The following PSMD1 variants were observed in gnomAD, a reference collection of about 807,000 sequenced individuals.
PSMD1 encodes the protein proteasome 26S subunit, non-ATPase 1.
PSMD1 carries 18 observed loss-of-function variants against 119.0 expected under a neutral mutation model. The ratio of observed to expected loss-of-function variants is 0.15; its 90% CI spans 0.10 to 0.22. The LOEUF (loss-of-function observed/expected upper bound fraction) is 0.22. PSMD1 is among the 10% of genes least tolerant of loss of function. The pLI is 1.00. For synonymous variants in PSMD1, 374 were observed against 396.6 expected, an observed-to-expected ratio of 0.94 and a Z score of 0.68; for missense variants, 702 against 1,158.5, an observed-to-expected ratio of 0.61 and a Z score of 5.72.
chr2:231,158,513 C>G (rs933222485), intron 19 of PSMD1, among the ~76,000 whole-genome samples: 1 of 152,256 alleles, frequency 6.6e-6, no homozygotes, highest in Admixed American at 6.5e-5. Context: ...TATTAAATCT[C>G]AGAATGTTAG....
At chr2:231,075,070 C>T (rs112509926) in intron 7 of PSMD1, among the ~76,000 whole-genome samples, 7 of 152,242 alleles carry the variant, frequency 4.6e-5, no homozygotes, top group African/African-American at 1.7e-4. Flanking sequence ...TTATCTTTGT[C>T]CCTGCCTTTT....
At chr2:231,110,259 G>T (rs1448467505) in intron 16 of PSMD1, among the ~76,000 whole-genome samples, 1 of 152,092 alleles carries the variant, frequency 6.6e-6, no homozygotes, top group African/African-American at 2.4e-5. Flanking sequence ...GGCCGAGGTT[G>T]CAGTGAGCCG....
At chr2:231,102,192 T>C (rs1317923477) in intron 16 of PSMD1, among the ~76,000 whole-genome samples, 3 of 152,204 alleles carry the variant, frequency 2.0e-5, no homozygotes, top group Non-Finnish European at 4.4e-5. Context: ...GGCTATAGTA[T>C]AGTGTAAACA....
At chr2:231,085,687 A>G (rs893310801) in intron 15 of PSMD1, among the ~76,000 whole-genome samples, 3 of 135,656 alleles carry the variant, frequency 2.2e-5, no homozygotes, top group Non-Finnish European at 4.6e-5. Flanking sequence ...ATGATCTATT[A>G]CAAGAGATGC....
rs567880234 is a variant in PSMD1 at position 231,073,558 on chromosome 2, G to A, written c.881+1143G>A. 4.3e-4 allele frequency among the ~76,000 whole-genome samples: 65 copies of A among 152,136 alleles called. 1 individual carries two copies. The highest frequency in any genetic ancestry group is 1.5e-3 in the African/African-American group (63 of 41,486). ...GTCTGTGGGTGTTCTGATTGGGATT[G>A]TATTGAATATCTTCAATTTGGGGCA... is the stretch of plus-strand genomic sequence containing the variant. On this transcript the variant is annotated intron_variant, in intron 7 of 24. Coordinates refer to ENST00000308696, the MANE Select transcript of PSMD1 (RefSeq NM_002807.4).
intron 18 of PSMD1, among the ~76,000 whole-genome samples, chr2:231,148,855 G>A (rs1198855734): frequency 6.6e-6 from 1 of 152,144 alleles, no homozygotes; most frequent in Admixed American, 6.5e-5. Flanking sequence ...ATGGTATACA[G>A]CATGTTGCCA....
intron 12 of PSMD1, among the ~76,000 whole-genome samples, 162 bp from the exon 13 acceptor site, chr2:231,082,721 T>C (rs896655018): frequency 6.6e-6 from 1 of 152,148 alleles, no homozygotes; most frequent in Non-Finnish European, 1.5e-5. Flanking sequence ...AAAACTGCAA[T>C]TGCTGAGTTT....
chr2:231,159,476 A>G (rs529270888), intron 19 of PSMD1, among the ~76,000 whole-genome samples: 6 of 152,274 alleles, frequency 3.9e-5, no homozygotes, highest in African/African-American at 1.4e-4. Flanking sequence ...AAAATGACCT[A>G]GTAATCCTGG....
intron 20 of PSMD1, among the ~76,000 whole-genome samples, chr2:231,162,082 A>G (rs1696653893): frequency 6.6e-6 from 1 of 152,258 alleles, no homozygotes; most frequent in African/African-American, 2.4e-5. Context: ...GTGAGGAGCT[A>G]GGGAATCTGA....
intron 23 of PSMD1, among the ~76,000 whole-genome samples, chr2:231,168,400 A>G (rs115767673): frequency 5.9e-5 from 9 of 152,376 alleles, no homozygotes; most frequent in Admixed American, 1.3e-4. Flanking sequence ...TAAAACGGAA[A>G]CAACTTAAAT....
chr2:231,136,660 T>C (rs1056049190), intron 16 of PSMD1, among the ~76,000 whole-genome samples: 1 of 152,136 alleles, frequency 6.6e-6, no homozygotes, highest in Non-Finnish European at 1.5e-5. Flanking sequence ...ACTTTTATTT[T>C]TTATTACATG....
chr2:231,095,161 G>A (rs1694694620), intron 16 of PSMD1, among the ~76,000 whole-genome samples: 2 of 152,032 alleles, frequency 1.3e-5, no homozygotes, highest in Non-Finnish European at 2.9e-5. Context: ...TCCCCTTTTT[G>A]CTGCAGGAGT....
At chr2:231,141,485 A>G (rs558029413) in intron 17 of PSMD1, among the ~76,000 whole-genome samples, 16 of 148,720 alleles carry the variant, frequency 1.1e-4, no homozygotes, top group African/African-American at 4.0e-4. Flanking sequence ...GCTGGAGTAC[A>G]ATGGGGCTAT....
chr2:231,067,954 C>T (rs1006384117), intron 5 of PSMD1, among the ~76,000 whole-genome samples: 1 of 152,128 alleles, frequency 6.6e-6, no homozygotes, highest in Non-Finnish European at 1.5e-5. Flanking sequence ...ACCACACCTG[C>T]CCTCCATTCC....
Position 231,131,528 on chromosome 2 carries a change from C to T in PSMD1, c.1884-7208C>T, listed in dbSNP as rs540777884. Among the ~76,000 whole-genome samples, 3 of 46,378 alleles carry T rather than the reference C, an allele frequency of 6.5e-5. 1 individual carries two copies. Among genetic ancestry groups the T allele is most frequent in the African/African-American group, 1.2e-3 (2 of 1,644 alleles). The allele number at this position is 46,378 out of a possible 152,430, so 30.4% of individuals were successfully genotyped here. The stretch of plus-strand genomic sequence containing the variant: ...CTGTAATCCCAGCACTTTGGGAGGC[C>T]GAGGCGGGCGGATCACGAGGTCAGG... On this transcript the variant is annotated intron_variant, in intron 16 of 24. Coordinates refer to ENST00000308696, the MANE Select transcript of PSMD1 (RefSeq NM_002807.4).
intron 19 of PSMD1, among the ~76,000 whole-genome samples, chr2:231,155,370 A>G (rs1222907173): frequency 6.6e-6 from 1 of 152,168 alleles, no homozygotes; most frequent in Non-Finnish European, 1.5e-5. Context: ...AGAAGCTGCT[A>G]TTAATTTGAT....
intron 4 of PSMD1, among the ~76,000 whole-genome samples, chr2:231,064,728 C>T (rs1403927782): frequency 1.3e-5 from 2 of 152,168 alleles, no homozygotes; most frequent in Admixed American, 6.5e-5. Flanking sequence ...TGCAATGGCA[C>T]GATCTTGGCT....
At chr2:231,157,006 T>C (rs1696521305) in intron 19 of PSMD1, among the ~76,000 whole-genome samples, 1 of 152,202 alleles carries the variant, frequency 6.6e-6, no homozygotes, top group African/African-American at 2.4e-5. Context: ...TATGTAGCCT[T>C]TTCAGATTAC....
chr2:231,165,034 T>TATATA (rs1696733488), intron 21 of PSMD1, 166 bp from the exon 22 acceptor site: 9 of 21,836 alleles, frequency 4.1e-4, no homozygotes, highest in Non-Finnish European at 6.1e-4. Flanking sequence ...TTATATATAT[T>TATATA]TATATATATA....
Sources: allele counts gnomAD v4.1 joint callset (sites outside exome capture counted in the v4.1 genomes callset), GRCh38; gene constraint gnomAD v4.1.1; transcripts MANE v1.5; gene names NCBI Gene and HGNC (gene_info 2026-07-23, HGNC 2026-07-21).